The following TRAK1 variants were observed in gnomAD, a reference collection of about 807,000 sequenced individuals.
TRAK1 encodes trafficking kinesin-binding protein 1.
TRAK1 carries 33 observed loss-of-function variants against 92.1 expected under a neutral mutation model. That is an observed-to-expected ratio of 0.36 (90% CI 0.27 to 0.48). TRAK1 has a LOEUF of 0.48. Ranked by LOEUF, TRAK1 falls within the 20% of genes least tolerant of loss-of-function variation. The probability of loss-of-function intolerance (pLI) is 0.99; values close to 1 mark genes in which losing one functional copy is unlikely to be tolerated. For missense variants in TRAK1, 1,123 were observed against 1,257.9 expected, an observed-to-expected ratio of 0.89 and a Z score of 1.62; for synonymous variants, 521 against 517.3, an observed-to-expected ratio of 1.01 and a Z score of -0.10.
At chr3:42,013,608 G>A (rs1701393078), upstream of TRAK1, among the ~76,000 whole-genome samples, 1 of 149,902 alleles carries the variant, frequency 6.7e-6, no homozygotes, top group African/African-American at 2.4e-5. The surrounding 1 kb of genome is among the most constrained non-coding windows in gnomAD (Gnocchi z 5.1). Context: ...GCGTCGGGCG[G>A]TGACGGCAGC....
At chr3:42,165,988 C>T (rs910940581) in intron 2 of TRAK1, among the ~76,000 whole-genome samples, 2 of 152,076 alleles carry the variant, frequency 1.3e-5, no homozygotes, top group Non-Finnish European at 2.9e-5. Context: ...GGGCCTGTCC[C>T]GTGTCCCTCT....
rs1710663478 is a variant in TRAK1, at chr3:42,225,012, G to C, written c.*1275G>C. The C allele has an allele frequency of 6.6e-6, 1 of 152,214 alleles. No homozygotes were observed. Among genetic ancestry groups the C allele is most frequent in the African/African-American group, 2.4e-5 (1 of 41,454 alleles). 9.4% of individuals were successfully genotyped at this position (152,214 alleles called of 1,614,324 possible). On this transcript the variant is annotated 3_prime_UTR_variant, in exon 16 of 16. Transcript: ENST00000327628. ...GAAAAGATCCAGGTGCTTGTGAAAA[G>C]AATCATGAATGCAACAAGGGAGGCT... is the stretch of plus-strand genomic sequence containing the variant.
chr3:42,214,480 T>C (rs1709432649), intron 14 of TRAK1, among the ~76,000 whole-genome samples: 1 of 152,224 alleles, frequency 6.6e-6, no homozygotes, highest in East Asian at 1.9e-4. Flanking sequence ...ATTTGCCCTT[T>C]GGACGTTTTA....
At chr3:42,098,875 C>T (rs11710716) in intron 1 of TRAK1, among the ~76,000 whole-genome samples, 85,544 of 151,582 alleles carry the variant, frequency 0.56, 24,494 homozygotes, top group South Asian at 0.68. Context: ...GAAAGTCCCA[C>T]GAGAGTGAGG....
At chr3:42,149,233 C>T in intron 2 of TRAK1, 1 of 1,238,150 alleles carries the variant, frequency 8.1e-7, no homozygotes, top group Non-Finnish European at 1.0e-6. Flanking sequence ...CTGGCTACTC[C>T]CATTCAGGGC....
chr3:42,053,381 G>T (rs1478039236), intron 1 of TRAK1, among the ~76,000 whole-genome samples: 2 of 143,784 alleles, frequency 1.4e-5, no homozygotes, highest in Non-Finnish European at 3.1e-5. Context: ...CGGGTGGGGG[G>T]GGGGGGCGGG....
chr3:42,210,094 AGG>A, intron 14 of TRAK1, 109 bp downstream of exon 14: 1 of 1,577,376 alleles, frequency 6.3e-7, no homozygotes, highest in African/African-American at 1.4e-5. Flanking sequence ...ACGGAGGAGG[AGG>A]AGGAGGAGGA....
chr3:42,211,599 C>G, intron 14 of TRAK1: 1 of 985,252 alleles, frequency 1.0e-6, no homozygotes, highest in Non-Finnish European at 1.2e-6. Flanking sequence ...TCCCCTACAG[C>G]CTTACAGGTA....
At chr3:42,211,046 C>A in intron 14 of TRAK1, 1 of 985,478 alleles carries the variant, frequency 1.0e-6, no homozygotes, top group Non-Finnish European at 1.2e-6. Context: ...TTTGTGGAGT[C>A]AGGGGGGAGA....
intron 1 of TRAK1, among the ~76,000 whole-genome samples, chr3:42,038,782 C>A (rs1702421215): frequency 8.5e-6 from 1 of 117,858 alleles, no homozygotes; most frequent in South Asian, 3.0e-4. Flanking sequence ...AGTGAGACTT[C>A]ATCTCAAAAA....
chr3:42,218,897 C>G, intron 14 of TRAK1: 2 of 985,390 alleles, frequency 2.0e-6, no homozygotes, highest in Non-Finnish European at 2.4e-6. Flanking sequence ...CTCTGGAACT[C>G]TTGCCACGTT....
At chr3:42,196,987 C>CTCTCTCTCTCTCTCTCTTTCTCTT in intron 10 of TRAK1, among the ~76,000 whole-genome samples, 1 of 82,302 alleles carries the variant, frequency 1.2e-5, no homozygotes, top group African/African-American at 4.9e-5. Flanking sequence ...TTCTCTTTCT[C>CTCTCTCTCTCTCTCTCTTTCTCTT]TCTCTCTCTC....
In TRAK1 at chr3:42,058,955, AT is replaced by A. The variant is rs569636806; in HGVS notation, c.-518-28142del. ...TCTTTACCATCTGCTCTGTGCTGCA[AT>A]TTTTTTAAAGATAAAGTGCTAATTT... is the stretch of plus-strand genomic sequence containing the variant. On this transcript the variant is annotated intron_variant, in intron 1 of 16. Coordinates refer to the TRAK1 transcript ENST00000487159. 3.9e-5 allele frequency among the ~76,000 whole-genome samples: 6 copies of A among 152,312 alleles called. No individual in the cohort carries two copies. In the East Asian group the frequency reaches 5.8e-4, roughly 15 times the overall value.
intron 1 of TRAK1, among the ~76,000 whole-genome samples, chr3:42,079,177 T>C (rs1704307045): frequency 1.3e-5 from 2 of 152,222 alleles, no homozygotes; most frequent in African/African-American, 4.8e-5. Flanking sequence ...ACTCAATTTG[T>C]GGTAATTTGT....
chr3:42,125,579 C>A lies in TRAK1; in HGVS notation c.251C>A (p.Thr84Lys), dbSNP rs1401494928. 6.2e-7 allele frequency: 1 copy of A among 1,614,112 alleles called. No homozygotes were observed. The highest frequency in any genetic ancestry group is 8.5e-7 in the Non-Finnish European group (1 of 1,180,038). The change falls in exon 2 of 16, where the codon ACA becomes AAA. Residue 84 changes from threonine to lysine, a missense_variant. Around this residue, in one of 3 missense-constraint regions of TRAK1, gnomAD observed 686 missense variants for 747.6 expected, o/e 0.92. Coordinates refer to ENST00000327628, the MANE Select transcript of TRAK1 (RefSeq NM_001042646.3). ...TCTCCAGATGCCAACATTGACCTCA[C>A]AACCGAGCAAATTGAAGAGACGTTA... Reference protein sequence around the residue: ...LISPDANIDLTTEQIEETLKY... With the variant: ...LISPDANIDLKTEQIEETLKY...
At chr3:42,031,899 A>T (rs1702160156) in intron 1 of TRAK1, among the ~76,000 whole-genome samples, 1 of 152,050 alleles carries the variant, frequency 6.6e-6, no homozygotes, top group Admixed American at 6.6e-5. Context: ...AAGGCTCATC[A>T]TTATCACTCT....
At chr3:42,156,742 G>T (rs1384516381) in intron 2 of TRAK1, among the ~76,000 whole-genome samples, 2 of 152,182 alleles carry the variant, frequency 1.3e-5, no homozygotes, top group Non-Finnish European at 2.9e-5. Context: ...ATATCACCAT[G>T]AAATATATCA....
chr3:42,101,080 G>A lies in TRAK1; in HGVS notation c.91+9520G>A, dbSNP rs111638549. ...ACATTTATTTCTTGCTCACAGACAT[G>A]GGTCATCTGAGGATTGGCTTTGTTT... On this transcript the variant is annotated intron_variant, in intron 1 of 15. Transcript: ENST00000327628. 7.4e-3 allele frequency among the ~76,000 whole-genome samples: 1,128 copies of A among 152,342 alleles called. 16 individuals carry two copies. Among genetic ancestry groups the A allele is most frequent in the African/African-American group, 0.025 (1,034 of 41,556 alleles).
intron 1 of TRAK1, among the ~76,000 whole-genome samples, chr3:42,065,163 A>T (rs1190376212): frequency 6.6e-6 from 1 of 152,160 alleles, no homozygotes; most frequent in Admixed American, 6.5e-5. Context: ...GAGGCACGAG[A>T]ACTGTTTGAA....
Sources: gnomAD v4.1 joint callset for allele counts (sites outside exome capture counted in the v4.1 genomes callset) on GRCh38, gnomAD v4.1.1 for gene constraint, gnomAD v4.1.1 regional missense constraint, Gnocchi (gnomAD v3.1) non-coding constraint, MANE v1.5 for transcripts, NCBI Gene and HGNC (gene_info 2026-07-23, HGNC 2026-07-21) for gene names.